The following SNU13 variants were observed in gnomAD, a reference collection of about 807,000 sequenced individuals.
SNU13 encodes the protein NHP2-like protein 1.
A neutral mutation model predicts 12.4 loss-of-function variants in SNU13; 2 were observed. The ratio of observed to expected loss-of-function variants is 0.16; its 90% CI spans 0.07 to 0.51. SNU13 has a LOEUF of 0.51. Ranked by LOEUF, SNU13 falls within the 20% of genes least tolerant of loss-of-function variation. The pLI is 0.96. For missense variants in SNU13, 66 were observed against 157.8 expected (o/e 0.42, Z 3.12); for synonymous variants, 68 against 66.5 (o/e 1.02, Z -0.11).
chr22:41,685,968 C>CA (rs546316422), intron 1 of SNU13, among the ~76,000 whole-genome samples: 1,321 of 126,060 alleles, frequency 0.01, 24 homozygotes, highest in African/African-American at 0.036. Context: ...GACTCTGTCT[C>CA]AAAAAAAAAA....
intron 2 of SNU13, among the ~76,000 whole-genome samples, chr22:41,677,632 T>C (rs1002757821): frequency 6.6e-6 from 1 of 152,208 alleles, no homozygotes; most frequent in Non-Finnish European, 1.5e-5. Context: ...ACAAAAGTCA[T>C]AGGAGTGACT....
upstream of SNU13, chr22:41,689,021 C>T (rs2147144661): frequency 7.8e-7 from 1 of 1,277,734 alleles, no homozygotes; most frequent in Middle Eastern, 3.0e-4. Context: ...TTCTTATGAG[C>T]TGCCTAGTAC....
intron 1 of SNU13, chr22:41,682,300 G>A (rs1219419317): frequency 1.9e-6 from 3 of 1,546,144 alleles, no homozygotes; most frequent in African/African-American, 2.7e-5. Flanking sequence ...CCACGCTCGC[G>A]GCACCACAGC....
rs573441240 is a variant in SNU13 at position 41,680,509 on chromosome 22, A to G, written c.4-145T>C. 4 of 769,060 alleles carry G rather than the reference A, an allele frequency of 5.2e-6. No individual in the cohort carries two copies. The Admixed American group carries it at 1.2e-4, about 23-fold the overall frequency. The allele number at this position is 769,060 out of a possible 1,614,324, so 47.6% of individuals were successfully genotyped here. On this transcript the variant is annotated intron_variant, in intron 1 of 2. Coordinates refer to ENST00000401959, the MANE Select transcript of SNU13 (RefSeq NM_001003796.2). ...ACACACAAAACACCAGGTAGTTAAC[A>G]ATGGACTTTCCACTCCTACCTTCGA...
At chr22:41,684,115 G>A (rs1407827838) in intron 1 of SNU13, among the ~76,000 whole-genome samples, 3 of 152,100 alleles carry the variant, frequency 2.0e-5, no homozygotes, top group Non-Finnish European at 4.4e-5. Flanking sequence ...ATGTTGGCCA[G>A]GCTGGTCTCG....
chr22:41,680,212 C>G, intron 2 of SNU13, 32 bp downstream of exon 2: 1 of 1,593,442 alleles, frequency 6.3e-7, no homozygotes, highest in Non-Finnish European at 8.6e-7. Flanking sequence ...GTGCCTTTAA[C>G]ATTCCCCCAG....
At chr22:41,684,750 C>T (rs748710128) in intron 1 of SNU13, among the ~76,000 whole-genome samples, 1 of 152,174 alleles carries the variant, frequency 6.6e-6, no homozygotes, top group Non-Finnish European at 1.5e-5. Context: ...TGGCTCAGGC[C>T]TATAATCCCA....
At chr22:41,682,694 A>G (rs2068275735) in intron 1 of SNU13, 2 of 614,398 alleles carry the variant, frequency 3.3e-6, no homozygotes, top group Admixed American at 8.1e-5. Flanking sequence ...ACATTTATTT[A>G]TTTAGAGACG....
At position 41,683,874 on chromosome 22, in the gene SNU13, G is replaced by A. The variant is rs564289019; in HGVS notation, c.4-3510C>T. 1.4e-3 allele frequency among the ~76,000 whole-genome samples: 217 copies of A among 152,086 alleles called. 2 individuals carry two copies. The highest frequency in any genetic ancestry group is 5.1e-3 in the African/African-American group (211 of 41,496). ...CTCATGCCAAGAAAATTTAGGACATGGACACACAGGAGTTTAGGAGCAGGG... is the reference window on the plus strand; with the variant it reads ...CTCATGCCAAGAAAATTTAGGACATAGACACACAGGAGTTTAGGAGCAGGG... On this transcript the variant is annotated intron_variant, in intron 1 of 2. Transcript: ENST00000401959.
At chr22:41,681,828 T>C (rs1437653376) in intron 1 of SNU13, among the ~76,000 whole-genome samples, 4 of 152,162 alleles carry the variant, frequency 2.6e-5, no homozygotes, top group African/African-American at 9.7e-5. Flanking sequence ...TGAGCGGAGA[T>C]GGCGCCACTG....
upstream of SNU13, chr22:41,689,028 G>A (rs1338151007): frequency 1.6e-6 from 2 of 1,270,136 alleles, no homozygotes; most frequent in Non-Finnish European, 2.0e-6. Context: ...GAGCTGCCTA[G>A]TACAAATTAT....
chr22:41,674,774 A>C lies in SNU13; in HGVS notation c.*159T>G. The C allele has an allele frequency of 9.8e-7, 1 of 1,016,184 alleles. No individual in the cohort carries two copies. Among genetic ancestry groups the C allele is most frequent in the Non-Finnish European group, 1.4e-6 (1 of 707,466 alleles). 62.9% of individuals were successfully genotyped at this position (1,016,184 alleles called of 1,614,324 possible). ...AAAGGAAGGGGGATAGCAACCCTGTAAAACAGAACAAAAACAACACAAAAA... is the reference window on the plus strand; with the variant it reads ...AAAGGAAGGGGGATAGCAACCCTGTCAAACAGAACAAAAACAACACAAAAA... On this transcript the variant is annotated 3_prime_UTR_variant, in exon 3 of 3. Transcript: ENST00000401959.
At chr22:41,676,902 G>C (rs573517230) in intron 2 of SNU13, among the ~76,000 whole-genome samples, 29 of 152,190 alleles carry the variant, frequency 1.9e-4, no homozygotes, top group African/African-American at 6.7e-4. Context: ...CTTAGTATCA[G>C]TCTCCCTTTT....
chr22:41,688,812 G>A lies in SNU13; in HGVS notation c.-16C>T, dbSNP rs1443636563. The A allele has an allele frequency of 1.2e-6, 2 of 1,600,318 alleles. No homozygotes were observed. Among genetic ancestry groups the A allele is most frequent in the East Asian group, 2.2e-5 (1 of 44,700 alleles). On this transcript the variant is annotated 5_prime_UTR_variant, in exon 1 of 3. Transcript: ENST00000401959. ...CACTCACCATGGCTGCGGTTCCGCG[G>A]GCTCAGCACTCCTAGGGGAGCGCAG...
rs781714298 is a variant in SNU13, at chr22:41,680,332, G to T, written c.36C>A (p.Pro12=). The T allele has an allele frequency of 6.2e-7, 1 of 1,614,030 alleles. No individual in the cohort carries two copies. Among genetic ancestry groups the T allele is most frequent in the African/African-American group, 1.3e-5 (1 of 75,042 alleles). Residue 12 remains proline (P), a synonymous_variant, in exon 2 of 3, where the codon CCC becomes CCA. Coordinates refer to ENST00000401959, the MANE Select transcript of SNU13 (RefSeq NM_001003796.2). The part of the protein sequence containing the change: ...TEADVNPKAY[P]LADAHLTKKL... ...TCTTGGTGAGGTGGGCATCGGCAAG[G>T]GGATAGGCCTTTGGATTCACATCAG... is the stretch of plus-strand genomic sequence containing the variant.
At chr22:41,683,357 G>A (rs148537066) in intron 1 of SNU13, among the ~76,000 whole-genome samples, 6,371 of 152,120 alleles carry the variant, frequency 0.042, 208 homozygotes, top group South Asian at 0.083. Flanking sequence ...TGGTCCTCCT[G>A]CCTCAGACTC....
intron 2 of SNU13, among the ~76,000 whole-genome samples, chr22:41,675,567 A>C (rs1041485035): frequency 3.4e-5 from 5 of 147,072 alleles, no homozygotes; most frequent in African/African-American, 5.1e-5. Context: ...GATTACAGGC[A>C]CGTGCCACTG....
Position 41,674,687 on chromosome 22 carries a change from G to T in SNU13, c.*246C>A. ...CGGTGCCACCACCCTGCTTCTGTCTGCTCTGAACACTTGTTCCAAAAAGGG... is the reference window on the plus strand; with the variant it reads ...CGGTGCCACCACCCTGCTTCTGTCTTCTCTGAACACTTGTTCCAAAAAGGG... On this transcript the variant is annotated 3_prime_UTR_variant, in exon 3 of 3. Transcript: ENST00000401959. The T allele has an allele frequency of 3.9e-6, 2 of 509,188 alleles. No individual in the cohort carries two copies. Among genetic ancestry groups the T allele is most frequent in the Non-Finnish European group, 6.9e-6 (2 of 287,908 alleles). 31.5% of individuals were successfully genotyped at this position (509,188 alleles called of 1,614,324 possible).
At chr22:41,680,431 A>G (rs775271189) in intron 1 of SNU13, 67 bp from the exon 2 acceptor site, 3 of 1,543,876 alleles carry the variant, frequency 1.9e-6, no homozygotes, top group Non-Finnish European at 2.7e-6. Flanking sequence ...GTCACAAAAT[A>G]CTAATCAACA....
Sources: allele counts gnomAD v4.1 joint callset (sites outside exome capture counted in the v4.1 genomes callset), GRCh38; gene constraint gnomAD v4.1.1; transcripts MANE v1.5; gene names NCBI Gene and HGNC (gene_info 2026-07-23, HGNC 2026-07-21).